Variants in NRP2 observed in about 807,000 individuals in gnomAD.
NRP2 encodes the protein neuropilin 2, also known as neuropilin-2.
Under a neutral mutation model 110.4 loss-of-function variants are expected in NRP2, and 52 were observed. The observed-to-expected ratio is 0.47, with a 90% CI of 0.38 to 0.59. NRP2 has a LOEUF of 0.59. Ranked by LOEUF, NRP2 falls within the 20% of genes least tolerant of loss-of-function variation. The probability of loss-of-function intolerance (pLI) is 0.00; values close to 1 mark genes in which losing one functional copy is unlikely to be tolerated. For missense variants in NRP2, 1,049 were observed against 1,203.0 expected (o/e 0.87, Z 1.89); for synonymous variants, 508 against 468.9 (o/e 1.08, Z -1.08).
chr2:205,684,294 C>T (rs1216587336), intron 1 of NRP2, among the ~76,000 whole-genome samples: 2 of 152,140 alleles, frequency 1.3e-5, no homozygotes, highest in Admixed American at 6.5e-5. Context: ...CTAGAGTGAG[C>T]CTCCCTACCC....
At chr2:205,721,544 C>T (rs537213276) in intron 3 of NRP2, among the ~76,000 whole-genome samples, 1 of 152,288 alleles carries the variant, frequency 6.6e-6, no homozygotes, top group East Asian at 1.9e-4. Context: ...TTTAATATGA[C>T]TCCACCTAGA....
intron 15 of NRP2, chr2:205,777,278 G>A (rs775024370): frequency 2.8e-6 from 1 of 356,748 alleles, no homozygotes; most frequent in South Asian, 1.1e-4. Flanking sequence ...CCCAAGAGAA[G>A]GTTCCCCTAG....
chr2:205,788,490 G>A lies in NRP2; in HGVS notation c.2426-3745G>A, dbSNP rs146180108. Among the ~76,000 whole-genome samples the A allele has an allele frequency of 4.6e-5, 7 of 152,260 alleles. No homozygotes were observed. The East Asian group carries it at 9.6e-4, about 21-fold the overall frequency. On this transcript the variant is annotated intron_variant, in intron 15 of 16. Transcript: ENST00000357785. Reference sequence around the variant, plus strand: ...AGATTTGTGGCAAAGCTAGGTGATCGCTTTGAATTCCTTGATGAGCCTGAT... The same window carrying A: ...AGATTTGTGGCAAAGCTAGGTGATCACTTTGAATTCCTTGATGAGCCTGAT...
chr2:205,741,636 C>A (rs1401941446), intron 8 of NRP2, among the ~76,000 whole-genome samples: 1 of 152,192 alleles, frequency 6.6e-6, no homozygotes, highest in Non-Finnish European at 1.5e-5. Flanking sequence ...CAGCCCAGGG[C>A]AGGCAAGTTG....
intron 1 of NRP2, among the ~76,000 whole-genome samples, chr2:205,685,149 C>A (rs889154116): frequency 2.0e-5 from 3 of 152,246 alleles, no homozygotes; most frequent in Non-Finnish European, 2.9e-5. Flanking sequence ...GCTCTGCCAC[C>A]TGCCTGCCGC....
intron 15 of NRP2, 177 bp downstream of exon 15, chr2:205,766,980 G>C: frequency 1.6e-6 from 1 of 642,312 alleles, no homozygotes; most frequent in Non-Finnish European, 2.7e-6. Context: ...ATGCGGGAAG[G>C]GGATTGAGAG....
chr2:205,683,865 T>C (rs1157411007), intron 1 of NRP2, among the ~76,000 whole-genome samples: 1 of 152,200 alleles, frequency 6.6e-6, no homozygotes. Flanking sequence ...CTTTGGAGAA[T>C]GACTGGTTAT....
rs76546094 is a variant in NRP2, at chr2:205,736,828, C to T, written c.1147-3691C>T. 7.9e-4 allele frequency among the ~76,000 whole-genome samples: 120 copies of T among 152,290 alleles called. 1 individual carries two copies. The East Asian group carries it at 0.015, about 20-fold the overall frequency. The stretch of plus-strand genomic sequence containing the variant: ...AACCCCTTACCTTGCAATGCCTAGA[C>T]TGGAAGCCAAGAATCCATCTCAGTG... On this transcript the variant is annotated intron_variant, in intron 7 of 16. Coordinates refer to ENST00000357785, the MANE Select transcript of NRP2 (RefSeq NM_003872.3).
chr2:205,784,054 G>A (rs918524944), intron 15 of NRP2, among the ~76,000 whole-genome samples: 24 of 135,656 alleles, frequency 1.8e-4, no homozygotes, highest in African/African-American at 4.0e-4. Context: ...GTGTAATTGC[G>A]CAAAATTAAA....
Position 205,749,722 on chromosome 2 carries a change from C to T in NRP2, c.1787-3C>T. The stretch of plus-strand genomic sequence containing the variant: ...TCTCTTATCTTCCTTTGCCCTTACA[C>T]AGACTCCAAGCCCACGGTAGAGACG... On this transcript the variant is annotated splice_polypyrimidine_tract_variant and splice_region_variant and intron_variant, in intron 10 of 16. Transcript: ENST00000357785. 1.9e-6 allele frequency: 3 copies of T among 1,613,092 alleles called. No homozygotes were observed. The highest frequency in any genetic ancestry group is 1.7e-5 in the Admixed American group (1 of 60,030).
rs2058112012 is a variant in NRP2 at position 205,777,074 on chromosome 2, G to C, written c.2425+10271G>C. On this transcript the variant is annotated intron_variant, in intron 15 of 16. Coordinates refer to ENST00000357785, the MANE Select transcript of NRP2 (RefSeq NM_003872.3). ...TTTAACTCTTATGTTACTTCTCCTG[G>C]GGTACATTTTACAAGAAAATAATAT... The C allele has an allele frequency of 4.0e-6, 4 of 994,958 alleles. No individual in the cohort carries two copies. In the South Asian group the frequency reaches 1.8e-4, roughly 45 times the overall value. The allele number at this position is 994,958 out of a possible 1,614,324, so 61.6% of individuals were successfully genotyped here. A position where few individuals can be genotyped will look rare whatever the true frequency, so the allele number is the denominator to read the frequency against.
chr2:205,715,175 G>C (rs868863951), intron 2 of NRP2, among the ~76,000 whole-genome samples: 1 of 152,202 alleles, frequency 6.6e-6, no homozygotes, highest in Non-Finnish European at 1.5e-5. Context: ...TTAACTGGGA[G>C]CCCAAAAGCA....
chr2:205,747,321 C>A (rs2057556161), intron 10 of NRP2, among the ~76,000 whole-genome samples: 1 of 152,168 alleles, frequency 6.6e-6, no homozygotes, highest in Non-Finnish European at 1.5e-5. Context: ...GCTGCATAAC[C>A]TCAGAAAAGT....
chr2:205,774,454 T>C (rs1178923833), intron 15 of NRP2, among the ~76,000 whole-genome samples: 1 of 152,144 alleles, frequency 6.6e-6, no homozygotes, highest in African/African-American at 2.4e-5. Context: ...CTGGGGTCAT[T>C]TCTACCCCAG....
chr2:205,725,789 ATTAGGGTCTTT>A lies in NRP2; in HGVS notation c.821-122_821-112del, dbSNP rs2057115553. The A allele has an allele frequency of 1.1e-6, 1 of 933,912 alleles. No individual in the cohort carries two copies. The highest frequency in any genetic ancestry group is 1.9e-5 in the Admixed American group (1 of 53,442). The allele number at this position is 933,912 out of a possible 1,614,324, so 57.9% of individuals were successfully genotyped here. ...GTTGTTTTTAAAATGTGAGCATATAATTAGGGTCTTTTAAATGAGGAAGTGCCTGCAAGGAC... is the reference window on the plus strand; with the variant it reads ...GTTGTTTTTAAAATGTGAGCATATAATAAATGAGGAAGTGCCTGCAAGGAC... On this transcript the variant is annotated intron_variant, in intron 5 of 16. Coordinates refer to ENST00000357785, the MANE Select transcript of NRP2 (RefSeq NM_003872.3). The surrounding 1 kb of genome is among the most constrained non-coding windows in gnomAD (Gnocchi z 4.1).
At chr2:205,775,276 T>C (rs550940845) in intron 15 of NRP2, among the ~76,000 whole-genome samples, 1 of 152,324 alleles carries the variant, frequency 6.6e-6, no homozygotes, top group African/African-American at 2.4e-5. Context: ...AACACTGCTT[T>C]GCATCAAGTG....
intron 7 of NRP2, among the ~76,000 whole-genome samples, chr2:205,730,963 CA>C (rs2057227487): frequency 6.6e-6 from 1 of 152,224 alleles, no homozygotes; most frequent in African/African-American, 2.4e-5. Context: ...TCCAACAGGT[CA>C]TCATGAGGTC....
At chr2:205,755,610 GA>G (rs58417592) in intron 12 of NRP2, among the ~76,000 whole-genome samples, 1,682 of 147,370 alleles carry the variant, frequency 0.011, 30 homozygotes, top group African/African-American at 0.038. Flanking sequence ...TCTCCATAGG[GA>G]AAAAAAAAAA....
chr2:205,687,560 G>C (rs187789978), intron 1 of NRP2, among the ~76,000 whole-genome samples: 79 of 152,306 alleles, frequency 5.2e-4, no homozygotes, highest in Middle Eastern at 6.8e-3. Flanking sequence ...GCCCCTACTC[G>C]TCCAAGCGGT....
Sources: allele counts gnomAD v4.1 joint callset (sites outside exome capture counted in the v4.1 genomes callset), GRCh38; gene constraint gnomAD v4.1.1; non-coding constraint Gnocchi (gnomAD v3.1); transcripts MANE v1.5; gene names NCBI Gene and HGNC (gene_info 2026-07-23, HGNC 2026-07-21).